NSG2: variants seen among roughly 807,000 people sequenced by gnomAD.
NSG2 encodes neuronal vesicle trafficking-associated protein 2.
NSG2 carries 4 observed loss-of-function variants against 16.9 expected under a neutral mutation model. That is an observed-to-expected ratio of 0.24 (90% CI 0.12 to 0.54). The LOEUF is 0.54. Among genes scored for constraint, NSG2 ranks in the 20% least tolerant of loss-of-function variants. The pLI, the probability that NSG2 is intolerant of heterozygous loss-of-function variation, is 0.95. For missense variants in NSG2, 179 were observed against 221.1 expected, an observed-to-expected ratio of 0.81 and a Z score of 1.21; for synonymous variants, 98 against 88.7, an observed-to-expected ratio of 1.11 and a Z score of -0.59.
chr5:174,098,399 GC>G (rs1476777293), intron 3 of NSG2, among the ~76,000 whole-genome samples: 1 of 151,816 alleles, frequency 6.6e-6, no homozygotes, highest in Middle Eastern at 3.2e-3. Flanking sequence ...GCCCTAGGGG[GC>G]TGGACCCTGC....
chr5:174,068,177 G>C (rs983337998), intron 3 of NSG2, among the ~76,000 whole-genome samples: 5 of 152,138 alleles, frequency 3.3e-5, no homozygotes, highest in African/African-American at 4.8e-5. Flanking sequence ...TCATGGATCT[G>C]GGACAGCTTG....
At chr5:174,047,797 C>T (rs1184408826) in intron 2 of NSG2, among the ~76,000 whole-genome samples, 1 of 152,276 alleles carries the variant, frequency 6.6e-6, no homozygotes. Flanking sequence ...ATTTCAGGTC[C>T]ACCTGAGACA....
chr5:174,093,852 C>T (rs558601691), intron 3 of NSG2, among the ~76,000 whole-genome samples: 124 of 152,100 alleles, frequency 8.2e-4, no homozygotes, highest in Non-Finnish European at 4.1e-4. Context: ...GTGGCAGTAC[C>T]TGAGTGTTAA....
chr5:174,050,547 G>A (rs966690275), intron 2 of NSG2, among the ~76,000 whole-genome samples: 2 of 152,158 alleles, frequency 1.3e-5, no homozygotes, highest in Non-Finnish European at 2.9e-5. Context: ...GATGAAGAGT[G>A]GAAGGGCTAG....
chr5:174,084,431 G>T (rs1760559534), intron 3 of NSG2, among the ~76,000 whole-genome samples: 1 of 152,184 alleles, frequency 6.6e-6, no homozygotes, highest in South Asian at 2.1e-4. Flanking sequence ...AGTCCTCAGG[G>T]CCTCGGGCCT....
chr5:174,098,260 G>A (rs1052362573), intron 3 of NSG2, among the ~76,000 whole-genome samples: 5 of 152,194 alleles, frequency 3.3e-5, no homozygotes, highest in African/African-American at 1.2e-4. Context: ...CCAGTGGGGA[G>A]AGGTACATGA....
At chr5:174,095,781 C>A (rs572850239) in intron 3 of NSG2, among the ~76,000 whole-genome samples, 2 of 152,216 alleles carry the variant, frequency 1.3e-5, no homozygotes, top group Non-Finnish European at 2.9e-5. Context: ...TACAATTCCC[C>A]TTTGACAGAA....
At chr5:174,062,170 G>T (rs1294641394) in intron 2 of NSG2, among the ~76,000 whole-genome samples, 3 of 152,084 alleles carry the variant, frequency 2.0e-5, no homozygotes, top group African/African-American at 4.8e-5. Context: ...AGGTGGTCAT[G>T]GTGATTTCCC....
intron 4 of NSG2, among the ~76,000 whole-genome samples, chr5:174,106,559 C>T (rs1760983653): frequency 7.5e-6 from 1 of 133,814 alleles, no homozygotes; most frequent in South Asian, 2.7e-4. Flanking sequence ...TACATCATTA[C>T]ATGAATGTTG....
intron 2 of NSG2, among the ~76,000 whole-genome samples, chr5:174,053,065 A>G (rs1032088889): frequency 6.6e-6 from 1 of 152,208 alleles, no homozygotes; most frequent in African/African-American, 2.4e-5. Flanking sequence ...AGTAGGCCAC[A>G]TGCACTTCAT....
At chr5:174,057,392 T>G (rs572056097) in intron 2 of NSG2, among the ~76,000 whole-genome samples, 2 of 152,318 alleles carry the variant, frequency 1.3e-5, no homozygotes, top group African/African-American at 4.8e-5. Context: ...CTAACATTTC[T>G]TAATGCTTTC....
chr5:174,084,867 C>A (rs1479460860), intron 3 of NSG2, among the ~76,000 whole-genome samples: 5 of 152,232 alleles, frequency 3.3e-5, no homozygotes, highest in Non-Finnish European at 7.3e-5. Context: ...GGCGATGTCT[C>A]TGTGGCCTTG....
At position 174,108,828 on chromosome 5, in the gene NSG2, T is replaced by C. The variant is rs1444639708; in HGVS notation, c.*1323T>C. The C allele has an allele frequency of 6.5e-6, 1 of 152,788 alleles. No individual in the cohort carries two copies. The highest frequency in any genetic ancestry group is 1.5e-5 in the Non-Finnish European group (1 of 68,074). The allele number at this position is 152,788 out of a possible 1,614,324, so 9.5% of individuals were successfully genotyped here. ...TGGTTATTTGAGATGTGGTACTGCTTCCTCACAAGTCTCCCACAGGCCATG... is the reference window on the plus strand; with the variant it reads ...TGGTTATTTGAGATGTGGTACTGCTCCCTCACAAGTCTCCCACAGGCCATG... On this transcript the variant is annotated 3_prime_UTR_variant, in exon 5 of 5. Transcript: ENST00000303177.
rs1206892204 is a variant in NSG2, at chr5:174,046,901, T to C, written c.129+17T>C. ...CCAGAAAAGGTAAAGCATGTCCTCT[T>C]GCTCTCATCAGCCCCCAGGCTCCCC... is the stretch of plus-strand genomic sequence containing the variant. On this transcript the variant is annotated intron_variant, in intron 2 of 4. Transcript: ENST00000303177. 6.2e-7 allele frequency: 1 copy of C among 1,613,744 alleles called. No homozygotes were observed. Among genetic ancestry groups the C allele is most frequent in the Admixed American group, 1.7e-5 (1 of 59,976 alleles).
chr5:174,067,084 TAG>T (rs1297551747), intron 3 of NSG2, among the ~76,000 whole-genome samples: 1 of 144,898 alleles, frequency 6.9e-6, no homozygotes, highest in Non-Finnish European at 1.5e-5. Context: ...GTGAGTAAAA[TAG>T]AGATTAAGAT....
rs1425148819 is a variant in NSG2 at position 174,107,112 on chromosome 5, G to A, written c.325-202G>A. ...GTCAATATCAGGTTCAGGTCGTCTG[G>A]CTTCTTCTAAGTGGAGCTTTGCTGT... is the stretch of plus-strand genomic sequence containing the variant. On this transcript the variant is annotated intron_variant, in intron 4 of 4. Transcript: ENST00000303177. This position sits in a 1 kb window ranked among gnomAD's most constrained non-coding sequence, Gnocchi z 4.5. Among the ~76,000 whole-genome samples the A allele has an allele frequency of 1.3e-5, 2 of 152,122 alleles. No homozygotes were observed. The highest frequency in any genetic ancestry group is 4.8e-5 in the African/African-American group (2 of 41,422).
Position 174,107,798 on chromosome 5 carries a change from CTT to C in NSG2, c.*295_*296del, listed in dbSNP as rs143265725. ...GATATTTTTAAAGCCACTGCTTATT[CTT>C]TGTTAGGAAAATGTAACAGCAGAAA... On this transcript the variant is annotated 3_prime_UTR_variant, in exon 5 of 5. Transcript: ENST00000303177. This position sits in a 1 kb window ranked among gnomAD's most constrained non-coding sequence, Gnocchi z 4.5. 0.087 allele frequency: 50,857 copies of C among 585,706 alleles called. 2,592 individuals are homozygous for C. The highest frequency in any genetic ancestry group is 0.17 in the African/African-American group (9,055 of 54,306). The allele number at this position is 585,706 out of a possible 1,614,324, so 36.3% of individuals were successfully genotyped here. A position where few individuals can be genotyped will look rare whatever the true frequency, so the allele number is the denominator to read the frequency against.
At chr5:174,068,541 G>GATGTGGAAGTTGCTGGTGTC (rs148558065) in intron 3 of NSG2, among the ~76,000 whole-genome samples, 1 of 150,422 alleles carries the variant, frequency 6.6e-6, no homozygotes, top group Non-Finnish European at 1.5e-5. Context: ...AGGTGCTGGT[G>GATGTGGAAGTTGCTGGTGTC]ATGTTGGGGG....
chr5:174,099,556 A>G (rs1305585607), intron 3 of NSG2, among the ~76,000 whole-genome samples: 1 of 151,754 alleles, frequency 6.6e-6, no homozygotes, highest in Non-Finnish European at 1.5e-5. Flanking sequence ...TAGAACTGTC[A>G]CTGGCTCCCT....
Sources: gnomAD v4.1 joint callset for allele counts (sites outside exome capture counted in the v4.1 genomes callset) on GRCh38, gnomAD v4.1.1 for gene constraint, Gnocchi (gnomAD v3.1) non-coding constraint, MANE v1.5 for transcripts, NCBI Gene and HGNC (gene_info 2026-07-23, HGNC 2026-07-21) for gene names.